The following NAALADL2 variants were observed in gnomAD, a reference collection of about 807,000 sequenced individuals.
The protein encoded by NAALADL2 is inactive N-acetylated-alpha-linked acidic dipeptidase-like protein 2.
A neutral mutation model predicts 87.2 loss-of-function variants in NAALADL2; 76 were observed. The ratio of observed to expected loss-of-function variants is 0.87; its 90% confidence interval spans 0.72 to 1.05. The LOEUF (loss-of-function observed/expected upper bound fraction) is 1.05. NAALADL2 is among the 50% of genes least tolerant of loss of function. The probability of loss-of-function intolerance (pLI) is 0.00; values close to 1 mark genes in which losing one functional copy is unlikely to be tolerated. For missense variants in NAALADL2, 1,089 were observed against 945.8 expected (o/e 1.15, Z -1.99); for synonymous variants, 354 against 331.0 (o/e 1.07, Z -0.75).
chr3:175,326,376 A>T (rs1760706018), intron 5 of NAALADL2, among the ~76,000 whole-genome samples: 1 of 152,106 alleles, frequency 6.6e-6, no homozygotes, highest in African/African-American at 2.4e-5. Flanking sequence ...GTCTTTTTTT[A>T]AATACCTCAC....
chr3:175,501,422 T>TACACACAC (rs1212804753), intron 9 of NAALADL2, among the ~76,000 whole-genome samples: 30 of 15,256 alleles, frequency 2.0e-3, no homozygotes, highest in African/African-American at 8.3e-3. Context: ...CCATACGTTT[T>TACACACAC]AGACACACAC....
At chr3:174,634,314 A>G (rs1451550044) in intron 2 of NAALADL2, among the ~76,000 whole-genome samples, 2 of 152,142 alleles carry the variant, frequency 1.3e-5, no homozygotes, top group Admixed American at 1.3e-4. Context: ...CTACCTCCAC[A>G]AATCTTTGTG....
At chr3:174,635,862 T>C (rs777874301) in intron 2 of NAALADL2, among the ~76,000 whole-genome samples, 17 of 152,322 alleles carry the variant, frequency 1.1e-4, no homozygotes, top group East Asian at 1.9e-4. Flanking sequence ...CTTTAGGAAG[T>C]CTTTACCTAT....
At chr3:175,003,550 C>T (rs564838419) in intron 1 of NAALADL2, among the ~76,000 whole-genome samples, 1 of 152,146 alleles carries the variant, frequency 6.6e-6, no homozygotes, top group African/African-American at 2.4e-5. Flanking sequence ...AACCTCTGGC[C>T]TACCACTACG....
chr3:175,018,891 C>T (rs756075004), intron 1 of NAALADL2, among the ~76,000 whole-genome samples: 1 of 152,062 alleles, frequency 6.6e-6, no homozygotes, highest in Non-Finnish European at 1.5e-5. Context: ...AGGCTGACCA[C>T]TAAAACTTTA....
Position 175,307,615 on chromosome 3 carries a change from T to A in NAALADL2, c.940-16560T>A, listed in dbSNP as rs1366609442. Among the ~76,000 whole-genome samples, 4 of 152,202 alleles carry A rather than the reference T, an allele frequency of 2.6e-5. No homozygotes were observed. The East Asian group carries it at 7.7e-4, about 29-fold the overall frequency. On this transcript the variant is annotated intron_variant, in intron 4 of 13. Coordinates refer to ENST00000454872, the MANE Select transcript of NAALADL2 (RefSeq NM_207015.3). ...CTTTGTCTATGAGCAATTCAATTAT[T>A]TTCTTTCTGAAATAAATTAAGTAAA...
chr3:175,295,469 AC>A (rs994584608), intron 4 of NAALADL2, among the ~76,000 whole-genome samples: 13 of 152,002 alleles, frequency 8.6e-5, no homozygotes, highest in African/African-American at 2.4e-5. Context: ...TCAGTAAGTC[AC>A]CCTTGATTTC....
At chr3:175,686,278 G>A (rs1172592795) in intron 11 of NAALADL2, among the ~76,000 whole-genome samples, 1 of 152,160 alleles carries the variant, frequency 6.6e-6, no homozygotes, top group Non-Finnish European at 1.5e-5. Context: ...ATATTAGCAA[G>A]TTAGTTTGAA....
chr3:174,623,823 T>A (rs2108675253), intron 2 of NAALADL2, among the ~76,000 whole-genome samples: 1 of 152,206 alleles, frequency 6.6e-6, no homozygotes, highest in African/African-American at 2.4e-5. Flanking sequence ...TATTAATGGA[T>A]TTTTACAGAA....
intron 9 of NAALADL2, among the ~76,000 whole-genome samples, chr3:175,520,439 C>T (rs1215802176): frequency 1.3e-5 from 2 of 151,694 alleles, no homozygotes; most frequent in East Asian, 3.9e-4. Context: ...GCTGGGACTA[C>T]AGGCGCCCGC....
intron 2 of NAALADL2, among the ~76,000 whole-genome samples, chr3:174,611,321 T>C (rs1486842226): frequency 1.3e-5 from 2 of 151,872 alleles, no homozygotes; most frequent in Non-Finnish European, 2.9e-5. Context: ...ATAATAATAA[T>C]AAAATAAAAA....
At chr3:175,562,616 G>C (rs1716448302) in intron 9 of NAALADL2, among the ~76,000 whole-genome samples, 1 of 151,626 alleles carries the variant, frequency 6.6e-6, no homozygotes, top group Admixed American at 6.6e-5. Context: ...CTGTAATTAT[G>C]TAGTGTTAGA....
At chr3:175,293,911 A>G (rs1755980045) in intron 4 of NAALADL2, among the ~76,000 whole-genome samples, 1 of 152,252 alleles carries the variant, frequency 6.6e-6, no homozygotes, top group African/African-American at 2.4e-5. Flanking sequence ...AAGTGAATAC[A>G]GAGTTAGACT....
intron 9 of NAALADL2, among the ~76,000 whole-genome samples, chr3:175,484,379 A>G (rs540488477): frequency 1.3e-5 from 2 of 152,284 alleles, no homozygotes; most frequent in East Asian, 3.9e-4. Context: ...CATGTTTACA[A>G]GATACCTTTT....
intron 1 of NAALADL2, among the ~76,000 whole-genome samples, chr3:175,074,732 A>AT (rs1261597000): frequency 6.6e-6 from 1 of 151,900 alleles, no homozygotes; most frequent in Non-Finnish European, 1.5e-5. Flanking sequence ...GGTTTTTGTT[A>AT]TTTTTTTCAG....
At chr3:175,428,382 C>A (rs1262936227) in intron 5 of NAALADL2, among the ~76,000 whole-genome samples, 1 of 152,050 alleles carries the variant, frequency 6.6e-6, no homozygotes, top group Non-Finnish European at 1.5e-5. Context: ...AGACTTCATT[C>A]CACTTTATAA....
At chr3:174,536,745 A>T (rs1032043838) in intron 1 of NAALADL2, 1 of 152,136 alleles carries the variant, frequency 6.6e-6, no homozygotes, top group African/African-American at 2.4e-5. Context: ...TGTTAGAGAA[A>T]ATGAAAACCC....
At chr3:175,609,876 G>A (rs1416485671) in intron 10 of NAALADL2, among the ~76,000 whole-genome samples, 1 of 152,064 alleles carries the variant, frequency 6.6e-6, no homozygotes, top group African/African-American at 2.4e-5. Flanking sequence ...GTGGCACTAT[G>A]GTGACTAGAA....
intron 1 of NAALADL2, among the ~76,000 whole-genome samples, chr3:174,880,199 T>C (rs1729029985): frequency 6.6e-6 from 1 of 152,030 alleles, no homozygotes; most frequent in African/African-American, 2.4e-5. Flanking sequence ...GCCAATTATG[T>C]ACTCAACGTA....
Sources: allele counts gnomAD v4.1 joint callset (sites outside exome capture counted in the v4.1 genomes callset), GRCh38; gene constraint gnomAD v4.1.1; transcripts MANE v1.5; gene names NCBI Gene and HGNC (gene_info 2026-07-23, HGNC 2026-07-21).